Variants in NTAQ1 observed in about 807,000 individuals in gnomAD.
The protein encoded by NTAQ1 is protein N-terminal glutamine amidohydrolase.
NTAQ1 carries 21 observed loss-of-function variants against 28.2 expected under a neutral mutation model. The observed-to-expected ratio is 0.74, with a 90% CI of 0.53 to 1.07. NTAQ1 has a LOEUF of 1.07. Among genes scored for constraint, NTAQ1 ranks in the 50% least tolerant of loss-of-function variants. The probability of loss-of-function intolerance (pLI) is 0.00; values close to 1 mark genes in which losing one functional copy is unlikely to be tolerated. For missense variants in NTAQ1, 264 were observed against 256.6 expected, an observed-to-expected ratio of 1.03 and a Z score of -0.20; for synonymous variants, 105 against 90.0, an observed-to-expected ratio of 1.17 and a Z score of -0.94.
chr8:123,447,260 T>A (rs80211313), intron 6 of NTAQ1, among the ~76,000 whole-genome samples: 1,528 of 152,264 alleles, frequency 0.01, 19 homozygotes, highest in African/African-American at 0.034. Context: ...CAGATGCACA[T>A]ACAACTAAAG....
At chr8:123,417,101 G>A (rs1239113007) in intron 1 of NTAQ1, among the ~76,000 whole-genome samples, 169 bp downstream of exon 1, 1 of 152,260 alleles carries the variant, frequency 6.6e-6, no homozygotes, top group Non-Finnish European at 1.5e-5. Context: ...CGTCTCTTGA[G>A]TAGAGCGTGG....
chr8:123,419,733 G>GCCCTCCCTCCCTCCCTCCCTCCCTCCCT (rs1229159414), intron 1 of NTAQ1, among the ~76,000 whole-genome samples: 3 of 71,298 alleles, frequency 4.2e-5, no homozygotes, highest in African/African-American at 1.6e-4. Context: ...CAAATCCACA[G>GCCCTCCCTCCCTCCCTCCCTCCCTCCCT]CCCTCCCTCC....
chr8:123,456,654 T>A (rs755460606), intron 6 of NTAQ1, among the ~76,000 whole-genome samples: 11 of 152,216 alleles, frequency 7.2e-5, no homozygotes, highest in Non-Finnish European at 1.6e-4. Context: ...ATAGTTATGC[T>A]TTATATATTT....
chr8:123,443,106 G>A (rs1815141443), downstream of NTAQ1, among the ~76,000 whole-genome samples: 2 of 149,922 alleles, frequency 1.3e-5, no homozygotes, highest in African/African-American at 2.5e-5. Context: ...TGCAACCTCT[G>A]CCTCCCAGGT....
downstream of NTAQ1, among the ~76,000 whole-genome samples, chr8:123,449,123 G>C: frequency 6.6e-6 from 1 of 152,182 alleles, no homozygotes; most frequent in East Asian, 1.9e-4. Flanking sequence ...TGGGAGCCTT[G>C]GAGGTAGCTG....
intron 3 of NTAQ1, among the ~76,000 whole-genome samples, chr8:123,434,062 C>T (rs1814554371): frequency 6.6e-6 from 1 of 152,034 alleles, no homozygotes; most frequent in African/African-American, 2.4e-5. Flanking sequence ...CAGTTATCTC[C>T]ATTTTATAAA....
chr8:123,464,027 T>C (rs1263424093), intron 6 of NTAQ1, among the ~76,000 whole-genome samples: 1 of 152,224 alleles, frequency 6.6e-6, no homozygotes, highest in Non-Finnish European at 1.5e-5. Context: ...CCTGCCGCCA[T>C]GTTAAGACGT....
downstream of NTAQ1, among the ~76,000 whole-genome samples, chr8:123,442,669 C>A (rs974344650): frequency 6.6e-6 from 1 of 151,134 alleles, no homozygotes; most frequent in African/African-American, 2.4e-5. Flanking sequence ...CAAATGTAAC[C>A]ATTTATTTAT....
At chr8:123,417,739 T>G (rs1183068900) in intron 1 of NTAQ1, among the ~76,000 whole-genome samples, 1 of 152,134 alleles carries the variant, frequency 6.6e-6, no homozygotes, top group East Asian at 1.9e-4. Context: ...ACCAAGAGCT[T>G]AACATTTGTT....
At chr8:123,466,814 A>G (rs576772281) in intron 6 of NTAQ1, among the ~76,000 whole-genome samples, 2 of 152,320 alleles carry the variant, frequency 1.3e-5, no homozygotes, top group Admixed American at 6.5e-5. Flanking sequence ...TCTGTTTTCC[A>G]TGGGCGATAC....
At chr8:123,432,576 A>G (rs1250014502) in intron 3 of NTAQ1, among the ~76,000 whole-genome samples, 2 of 151,758 alleles carry the variant, frequency 1.3e-5, no homozygotes, top group African/African-American at 4.8e-5. Context: ...CAGAGGTCAC[A>G]GTGAGCCGAG....
At chr8:123,460,058 C>G (rs1319675170) in intron 6 of NTAQ1, among the ~76,000 whole-genome samples, 3 of 152,076 alleles carry the variant, frequency 2.0e-5, no homozygotes, top group South Asian at 2.1e-4. Context: ...CCTCGGCCCC[C>G]CAAAGGGCTG....
intron 5 of NTAQ1, among the ~76,000 whole-genome samples, chr8:123,440,504 T>C (rs1283754250): frequency 1.4e-5 from 2 of 142,730 alleles, no homozygotes; most frequent in African/African-American, 2.6e-5. Flanking sequence ...CCTTTCTTCT[T>C]TTTTTTTTTT....
intron 6 of NTAQ1, among the ~76,000 whole-genome samples, chr8:123,459,845 A>G (rs929036550): frequency 1.6e-5 from 2 of 128,398 alleles, no homozygotes; most frequent in African/African-American, 6.0e-5. Context: ...CTCATTGCCC[A>G]GGCTGGAGTG....
chr8:123,440,560 C>T (rs936460629), intron 5 of NTAQ1, among the ~76,000 whole-genome samples: 1 of 148,732 alleles, frequency 6.7e-6, no homozygotes, highest in African/African-American at 2.5e-5. Context: ...AGTGAAGTGG[C>T]GTGATCTTGG....
intron 5 of NTAQ1, among the ~76,000 whole-genome samples, chr8:123,440,028 T>G (rs1814954865): frequency 6.6e-6 from 1 of 151,308 alleles, no homozygotes; most frequent in South Asian, 2.1e-4. Context: ...GATTTAGTTA[T>G]GGAATTGACT....
chr8:123,428,050 A>G, intron 2 of NTAQ1, 27 bp downstream of exon 2: 1 of 1,512,338 alleles, frequency 6.6e-7, no homozygotes, highest in Non-Finnish European at 9.0e-7. Flanking sequence ...TTGCAGAAAG[A>G]AAACAAGAGA....
chr8:123,420,918 C>T (rs10956128), intron 1 of NTAQ1, among the ~76,000 whole-genome samples: 54,530 of 151,370 alleles, frequency 0.36, 9,920 homozygotes, highest in East Asian at 0.56. Context: ...TCCTAAGTAG[C>T]TGGGACTACA....
At chr8:123,461,739 T>G (rs1015043934) in intron 6 of NTAQ1, among the ~76,000 whole-genome samples, 1 of 152,156 alleles carries the variant, frequency 6.6e-6, no homozygotes, top group African/African-American at 2.4e-5. Context: ...GAGTAGATGC[T>G]TAATAAGGAT....
Sources: gnomAD v4.1 joint callset for allele counts (sites outside exome capture counted in the v4.1 genomes callset) on GRCh38, gnomAD v4.1.1 for gene constraint, MANE v1.5 for transcripts, NCBI Gene and HGNC (gene_info 2026-07-23, HGNC 2026-07-21) for gene names.